The following CYP4F3 variants were observed in gnomAD, a reference collection of about 807,000 sequenced individuals.
CYP4F3 encodes the protein cytochrome P450 family 4 subfamily F member 3.
A neutral mutation model predicts 54.8 loss-of-function variants in CYP4F3; 50 were observed. That is an observed-to-expected ratio of 0.91 (90% CI 0.73 to 1.16). The LOEUF (loss-of-function observed/expected upper bound fraction) is 1.16, where lower values mean the gene tolerates loss of function less well. Ranked by LOEUF, CYP4F3 falls within the 50% of genes most tolerant of loss-of-function variation. CYP4F3 has a pLI of 0.00. For synonymous variants in CYP4F3, 244 were observed against 262.6 expected (o/e 0.93, Z 0.69); for missense variants, 715 against 676.2 (o/e 1.06, Z -0.64).
At chr19:15,652,058 T>G (rs1201290569) in intron 7 of CYP4F3, among the ~76,000 whole-genome samples, 2 of 150,382 alleles carry the variant, frequency 1.3e-5, no homozygotes, top group East Asian at 3.9e-4. Context: ...ACATTTTCTA[T>G]AGAGAGAGAG....
chr19:15,653,351 G>A (rs1176477719), intron 9 of CYP4F3, among the ~76,000 whole-genome samples: 1 of 152,156 alleles, frequency 6.6e-6, no homozygotes, highest in African/African-American at 2.4e-5. Context: ...AGGGAGACCT[G>A]GGGGTAAAAT....
At position 15,643,644 on chromosome 19, in the gene CYP4F3, G is replaced by A. The variant is rs185293461; in HGVS notation, c.198+2031G>A. Among the ~76,000 whole-genome samples the A allele has an allele frequency of 4.3e-4, 66 of 152,270 alleles. No homozygotes were observed. The East Asian group carries it at 0.012, about 28-fold the overall frequency. On this transcript the variant is annotated intron_variant, in intron 2 of 12. Coordinates refer to ENST00000221307, the MANE Select transcript of CYP4F3 (RefSeq NM_000896.3). The stretch of plus-strand genomic sequence containing the variant: ...GTTCTGGTGTCCAAGGGCAGGAGAA[G>A]ATGGATGTGCCAGCCCCACAACAGA...
rs773377038 is a variant in CYP4F3 at position 15,658,507 on chromosome 19, C to T, written c.1266C>T (p.Ile422=). The change falls in exon 11 of 13, where the codon ATC becomes ATT. Residue 422 remains isoleucine, a synonymous_variant. Transcript: ENST00000221307. Reference sequence around the variant, plus strand: ...CTCCCACAGGCATTATCTGCCTCATCAGTGTTTTTGGAACCCATCACAACC... The same window carrying T: ...CTCCCACAGGCATTATCTGCCTCATTAGTGTTTTTGGAACCCATCACAACC... ...RVIPKGIICL[I]SVFGTHHNPA... 1.2e-6 allele frequency: 2 copies of T among 1,614,100 alleles called. No individual in the cohort carries two copies.
intron 9 of CYP4F3, among the ~76,000 whole-genome samples, chr19:15,657,444 C>G (rs894767753): frequency 3.9e-5 from 6 of 152,098 alleles, no homozygotes; most frequent in Non-Finnish European, 7.4e-5. Flanking sequence ...CAGGTGCCCC[C>G]CCACCATGCC....
intron 9 of CYP4F3, among the ~76,000 whole-genome samples, chr19:15,656,065 C>T (rs1973002032): frequency 6.6e-6 from 1 of 152,092 alleles, no homozygotes; most frequent in Admixed American, 6.6e-5. Context: ...ACATTTCACC[C>T]TTCTCTGTCC....
rs1055840450 is a variant in CYP4F3 at position 15,652,724 on chromosome 19, C to T, written c.985+89C>T. 10 of 1,607,980 alleles carry T rather than the reference C, an allele frequency of 6.2e-6. No homozygotes were observed. In the African/African-American group the frequency reaches 1.1e-4, roughly 17 times the overall value. On this transcript the variant is annotated intron_variant, in intron 8 of 12. Coordinates refer to ENST00000221307, the MANE Select transcript of CYP4F3 (RefSeq NM_000896.3). ...GTGGACCCCTCGCACTTCCCATCCC[C>T]CTTCCCCCATCCTCCCTGAGGTCCT...
Position 15,641,595 on chromosome 19 carries a change from C to A in CYP4F3, c.180C>A (p.Phe60Leu). The change falls in exon 2 of 13, where the codon TTC (phenylalanine) becomes TTA (leucine). Residue 60 changes from phenylalanine to leucine, a missense_variant. Phe to Leu is a conservative substitution (Grantham distance 22). Coordinates refer to ENST00000221307, the MANE Select transcript of CYP4F3 (RefSeq NM_000896.3). Reference protein sequence around the residue: ...CFPQPPKRNWFLGHLGLIHSS... With the variant: ...CFPQPPKRNWLLGHLGLIHSS... The stretch of plus-strand genomic sequence containing the variant: ...CGCAACCCCCGAAACGGAATTGGTT[C>A]TTGGGTCACCTGGGCCTGGTGAGTG... 1 of 1,606,374 alleles carries A rather than the reference C, an allele frequency of 6.2e-7. No homozygotes were observed. Among genetic ancestry groups the A allele is most frequent in the Non-Finnish European group, 8.5e-7 (1 of 1,175,186 alleles).
chr19:15,643,809 C>G, intron 2 of CYP4F3: 4 of 1,348,642 alleles, frequency 3.0e-6, no homozygotes, highest in Non-Finnish European at 3.8e-6. Flanking sequence ...AACACCCTCA[C>G]AGACGGATGA....
rs772286560 is a variant in CYP4F3, at chr19:15,649,144, C to G, written c.526-16C>G. ...AGCAAGGGACCTGCCCCAGCTCTGT[C>G]CCCTTCTCTGGCTAGGCCAAGTGGC... On this transcript the variant is annotated splice_polypyrimidine_tract_variant and intron_variant, in intron 5 of 12. Transcript: ENST00000221307. The G allele has an allele frequency of 2.1e-5, 34 of 1,612,898 alleles. No homozygotes were observed. The highest frequency in any genetic ancestry group is 2.7e-5 in the Non-Finnish European group (32 of 1,179,236).
intron 9 of CYP4F3, among the ~76,000 whole-genome samples, chr19:15,653,750 G>GAGAA (rs1180917337): frequency 1.5e-4 from 15 of 99,254 alleles, no homozygotes; most frequent in Admixed American, 2.0e-4. Flanking sequence ...GAGAGAGAGA[G>GAGAA]AGAGAGAGAG....
chr19:15,651,522 A>T lies in CYP4F3; in HGVS notation c.919-1047A>T, dbSNP rs1229162375. On this transcript the variant is annotated intron_variant, in intron 7 of 12. Transcript: ENST00000221307. ...AGCTGGGATTAGAGGCACCTGGCTA[A>T]TTTTTTGTATTTTTAGTACAGACGG... is the stretch of plus-strand genomic sequence containing the variant. Among the ~76,000 whole-genome samples, 3 of 137,712 alleles carry T rather than the reference A, an allele frequency of 2.2e-5. 1 individual carries two copies. Among genetic ancestry groups the T allele is most frequent in the Non-Finnish European group, 4.9e-5 (3 of 61,372 alleles). 90.3% of individuals were successfully genotyped at this position (137,712 alleles called of 152,430 possible). A position where few individuals can be genotyped will look rare whatever the true frequency, so the allele number is the denominator to read the frequency against.
chr19:15,641,269 C>T, intron 1 of CYP4F3, 146 bp from the exon 2 acceptor site: 2 of 1,043,422 alleles, frequency 1.9e-6, no homozygotes, highest in South Asian at 3.2e-5. Flanking sequence ...GGACTTTACC[C>T]CTCAGCCCCT....
At chr19:15,642,745 T>C (rs1259892958) in intron 2 of CYP4F3, among the ~76,000 whole-genome samples, 1 of 152,024 alleles carries the variant, frequency 6.6e-6, no homozygotes, top group East Asian at 1.9e-4. Context: ...GATAGATAGG[T>C]AATAGGATAG....
intron 2 of CYP4F3, 137 bp from the exon 3 acceptor site, chr19:15,645,582 A>G: frequency 8.7e-7 from 1 of 1,152,936 alleles, no homozygotes; most frequent in South Asian, 1.7e-5. Context: ...GAGGAAGCCC[A>G]GTGGGGGCTC....
chr19:15,649,938 A>C lies in CYP4F3; in HGVS notation c.673A>C (p.Ile225Leu). The C allele has an allele frequency of 1.2e-6, 2 of 1,613,750 alleles. No individual in the cohort carries two copies. The highest frequency in any genetic ancestry group is 1.7e-6 in the Non-Finnish European group (2 of 1,179,918). ...QEKPSEYIAA[I>L]LELSALVTKR... is the part of the protein sequence containing the mutation. ...GAAGCCCAGTGAATATATTGCCGCC[A>C]TCTTGGAGCTCAGTGCCCTTGTGAC... The change falls in exon 7 of 13, where the codon ATC (isoleucine) becomes CTC (leucine). Residue 225 changes from isoleucine (I) to leucine (L), a missense_variant. Physicochemically the swap from Ile to Leu is conservative, Grantham distance 5. Coordinates refer to ENST00000221307, the MANE Select transcript of CYP4F3 (RefSeq NM_000896.3).
At chr19:15,650,408 T>A in intron 7 of CYP4F3, 1 of 831,140 alleles carries the variant, frequency 1.2e-6, no homozygotes, top group Non-Finnish European at 1.9e-6. Flanking sequence ...ACTCTATTTA[T>A]AAGTTAATAA....
chr19:15,641,482 C>T lies in CYP4F3; in HGVS notation c.67C>T (p.Leu23=). ...PMAASPWLLL[L]LVGASWLLAR... Reference sequence around the variant, plus strand: ...GGCAGCATCCCCGTGGCTGCTCCTGCTGCTGGTTGGGGCCTCCTGGCTCCT... The same window carrying T: ...GGCAGCATCCCCGTGGCTGCTCCTGTTGCTGGTTGGGGCCTCCTGGCTCCT... The change falls in exon 2 of 13, where the codon CTG becomes TTG. Residue 23 remains leucine (L), a synonymous_variant. Transcript: ENST00000221307. 1 of 1,614,240 alleles carries T rather than the reference C, an allele frequency of 6.2e-7. No individual in the cohort carries two copies. Among genetic ancestry groups the T allele is most frequent in the Middle Eastern group, 1.6e-4 (1 of 6,062 alleles).
chr19:15,653,776 G>GC (rs1287805992), intron 9 of CYP4F3, among the ~76,000 whole-genome samples: 2 of 148,832 alleles, frequency 1.3e-5, no homozygotes, highest in African/African-American at 2.5e-5. Flanking sequence ...GAGAGAGAGA[G>GC]AGAGAGAGAG....
rs1404960338 is a variant in CYP4F3, at chr19:15,650,810, C to CT, written c.918+630dup. 7.0e-4 allele frequency among the ~76,000 whole-genome samples: 14 copies of CT among 20,076 alleles called. 3 individuals are homozygous for CT. The highest frequency in any genetic ancestry group is 2.6e-4 in the Non-Finnish European group (3 of 11,758). The allele number at this position is 20,076 out of a possible 152,430, so 13.2% of individuals were successfully genotyped here. A position where few individuals can be genotyped will look rare whatever the true frequency, so the allele number is the denominator to read the frequency against. ...TTCTTTCTTTCTTTCTCTCTCTTCT[C>CT]TTTCTTTCTTTCTTTCTTTCTTTCT... On this transcript the variant is annotated intron_variant, in intron 7 of 12. Transcript: ENST00000221307.
Sources: gnomAD v4.1 joint callset for allele counts (sites outside exome capture counted in the v4.1 genomes callset) on GRCh38, gnomAD v4.1.1 for gene constraint, MANE v1.5 for transcripts, NCBI Gene and HGNC (gene_info 2026-07-23, HGNC 2026-07-21) for gene names.